PEX5L: variants seen among roughly 807,000 people sequenced by gnomAD.
PEX5L encodes the protein peroxisomal biogenesis factor 5 like, also known as PEX5-related protein.
In PEX5L, 30 loss-of-function variants were observed where a neutral mutation model predicts 84.0. That is an observed-to-expected ratio of 0.36 (90% CI 0.27 to 0.48). PEX5L has a LOEUF of 0.48. Among genes scored for constraint, PEX5L ranks in the 20% least tolerant of loss-of-function variants. The pLI is 0.99. For synonymous variants in PEX5L, 270 were observed against 283.1 expected (o/e 0.95, Z 0.46); for missense variants, 533 against 754.6 (o/e 0.71, Z 3.44).
intron 2 of PEX5L, among the ~76,000 whole-genome samples, chr3:179,950,338 A>T (rs1778738006): frequency 6.6e-6 from 1 of 150,476 alleles, no homozygotes; most frequent in African/African-American, 2.5e-5. Context: ...GAAGCGGAAC[A>T]TCACACACTG....
intron 8 of PEX5L, among the ~76,000 whole-genome samples, chr3:179,850,388 A>C (rs1382038353): frequency 6.6e-6 from 1 of 151,956 alleles, no homozygotes; most frequent in African/African-American, 2.4e-5. Context: ...CAGCCTCCCA[A>C]AGTGCTGGGA....
Position 179,813,940 on chromosome 3 carries a change from T to C in PEX5L, c.1083+1921A>G, listed in dbSNP as rs1473661274. ...ATCCACCCGCCTCGGCCTCCCAAAG[T>C]GCTGGGATTACAGGCGTGAGCCACC... On this transcript the variant is annotated intron_variant, in intron 10 of 14. Coordinates refer to ENST00000467460, the MANE Select transcript of PEX5L (RefSeq NM_016559.3). Among the ~76,000 whole-genome samples, 7 of 150,544 alleles carry C rather than the reference T, an allele frequency of 4.6e-5. No homozygotes were observed. The East Asian group carries it at 9.7e-4, about 21-fold the overall frequency.
At chr3:179,934,281 T>C (rs1395961925) in intron 2 of PEX5L, among the ~76,000 whole-genome samples, 2 of 152,216 alleles carry the variant, frequency 1.3e-5, no homozygotes, top group Non-Finnish European at 2.9e-5. Flanking sequence ...TGTATACATA[T>C]GGAAGGAAGG....
chr3:179,970,537 C>T (rs2056597), intron 2 of PEX5L, among the ~76,000 whole-genome samples: 34,946 of 152,018 alleles, frequency 0.23, 4,313 homozygotes, highest in East Asian at 0.51. Context: ...ATATATTCTG[C>T]ACCTCGGTAG....
At chr3:179,958,323 G>A (rs79404415) in intron 2 of PEX5L, among the ~76,000 whole-genome samples, 1,625 of 152,226 alleles carry the variant, frequency 0.011, 37 homozygotes, top group African/African-American at 0.037. Flanking sequence ...ATGTACTGCC[G>A]CACAGGCTGT....
In PEX5L at chr3:179,809,629, C is replaced by A. The variant is rs1722935593; in HGVS notation, c.1194G>T (p.Met398Ile). 6.2e-7 allele frequency: 1 copy of A among 1,610,550 alleles called. No individual in the cohort carries two copies. Among genetic ancestry groups the A allele is most frequent in the Admixed American group, 1.7e-5 (1 of 59,738 alleles). ...TGTTAGTATAACTCACAGCCAAGGCCATCAAAGCTTTTAAGTTGTTGGGCT... is the reference window on the plus strand; with the variant it reads ...TGTTAGTATAACTCACAGCCAAGGCAATCAAAGCTTTTAAGTTGTTGGGCT... ...ELQPNNLKAL[M>I]ALAVSYTNTG... is the part of the protein sequence containing the mutation. Residue 398 changes from methionine to isoleucine, a missense_variant, in exon 12 of 15, where the codon ATG (methionine) becomes ATT (isoleucine). Coordinates refer to ENST00000467460, the MANE Select transcript of PEX5L (RefSeq NM_016559.3).
intron 7 of PEX5L, among the ~76,000 whole-genome samples, chr3:179,867,735 G>A (rs1748839592): frequency 6.6e-6 from 1 of 152,162 alleles, no homozygotes; most frequent in African/African-American, 2.4e-5. Context: ...TGAAACGGAA[G>A]CCATCAATAC....
At chr3:179,906,434 T>C (rs1763240420) in intron 2 of PEX5L, among the ~76,000 whole-genome samples, 1 of 152,218 alleles carries the variant, frequency 6.6e-6, no homozygotes, top group East Asian at 1.9e-4. Flanking sequence ...GCAAGCAACT[T>C]TTCCTATCTA....
chr3:179,907,723 T>A (rs1260994273), intron 2 of PEX5L, among the ~76,000 whole-genome samples: 1 of 152,214 alleles, frequency 6.6e-6, no homozygotes, highest in African/African-American at 2.4e-5. Context: ...TTATACTATA[T>A]CATTTTTATT....
At chr3:179,876,998 G>A (rs930049192) in intron 5 of PEX5L, among the ~76,000 whole-genome samples, 1 of 152,120 alleles carries the variant, frequency 6.6e-6, no homozygotes, top group Non-Finnish European at 1.5e-5. Context: ...TACACACATA[G>A]CCTGAAGGTA....
At chr3:179,888,251 C>A in intron 3 of PEX5L, 1 of 886,880 alleles carries the variant, frequency 1.1e-6, no homozygotes, top group Non-Finnish European at 1.6e-6. Flanking sequence ...TGGATAAATG[C>A]CTGCCTCGTC....
At chr3:179,935,243 A>C (rs1774260479) in intron 2 of PEX5L, among the ~76,000 whole-genome samples, 2 of 152,230 alleles carry the variant, frequency 1.3e-5, no homozygotes, top group Admixed American at 1.3e-4. Flanking sequence ...TCAGAATTAA[A>C]GTGTACATGC....
intron 12 of PEX5L, among the ~76,000 whole-genome samples, chr3:179,808,949 T>C (rs915664794): frequency 7.3e-5 from 11 of 150,956 alleles, no homozygotes; most frequent in Middle Eastern, 3.4e-3. Flanking sequence ...TGGCGGGCCC[T>C]TGTAGTCCCA....
chr3:179,992,603 G>A (rs969188382), intron 1 of PEX5L, among the ~76,000 whole-genome samples: 9 of 152,132 alleles, frequency 5.9e-5, no homozygotes, highest in African/African-American at 1.9e-4. Flanking sequence ...CAGTGGAAAC[G>A]TAACAGATGG....
rs188392582 is a variant in PEX5L at position 179,850,726 on chromosome 3, G to T, written c.822+8336C>A. Among the ~76,000 whole-genome samples the T allele has an allele frequency of 1.6e-3, 251 of 152,278 alleles. 2 individuals carry two copies. The highest frequency in any genetic ancestry group is 0.014 in the Middle Eastern group (4 of 294). On this transcript the variant is annotated intron_variant, in intron 8 of 14. Coordinates refer to ENST00000467460, the MANE Select transcript of PEX5L (RefSeq NM_016559.3). Reference sequence around the variant, plus strand: ...CAAGATTTCTTTAATATTGCCCAAAGAATGTTTTCATACATTATCAGAAGA... The same window carrying T: ...CAAGATTTCTTTAATATTGCCCAAATAATGTTTTCATACATTATCAGAAGA...
chr3:179,832,138 G>A (rs1733248825), intron 8 of PEX5L, among the ~76,000 whole-genome samples: 1 of 152,098 alleles, frequency 6.6e-6, no homozygotes, highest in South Asian at 2.1e-4. Flanking sequence ...TGCTGGCAGT[G>A]GAGAACGAGA....
intron 2 of PEX5L, among the ~76,000 whole-genome samples, chr3:179,933,617 T>G (rs1773729932): frequency 6.6e-6 from 1 of 152,206 alleles, no homozygotes; most frequent in Admixed American, 6.5e-5. Context: ...GGTAGTTACA[T>G]CAAAAATCTT....
At chr3:179,906,614 G>A (rs569717144) in intron 2 of PEX5L, among the ~76,000 whole-genome samples, 51 of 152,194 alleles carry the variant, frequency 3.4e-4, no homozygotes, top group Non-Finnish European at 6.5e-4. Flanking sequence ...TTTGAGGATT[G>A]TGTGAAATAT....
At chr3:179,894,765 G>A (rs1178339573) in intron 3 of PEX5L, among the ~76,000 whole-genome samples, 1 of 151,794 alleles carries the variant, frequency 6.6e-6, no homozygotes, top group East Asian at 1.9e-4. Flanking sequence ...ACAAAGGCTG[G>A]GTTTGGAAAA....
Sources: gnomAD v4.1 joint callset for allele counts (sites outside exome capture counted in the v4.1 genomes callset) on GRCh38, gnomAD v4.1.1 for gene constraint, MANE v1.5 for transcripts, NCBI Gene and HGNC (gene_info 2026-07-23, HGNC 2026-07-21) for gene names.